The following IKZF1 variants were observed in gnomAD, a reference collection of about 807,000 sequenced individuals.
IKZF1 encodes DNA-binding protein Ikaros.
In IKZF1, 10 loss-of-function variants were observed where a neutral mutation model predicts 51.7. That is an observed-to-expected ratio of 0.19 (90% confidence interval 0.12 to 0.33). IKZF1 has a LOEUF of 0.33. Ranked by LOEUF, IKZF1 falls within the 10% of genes least tolerant of loss-of-function variation. The probability of loss-of-function intolerance (pLI) is 1.00; values close to 1 mark genes in which losing one functional copy is unlikely to be tolerated. For missense variants in IKZF1, 484 were observed against 707.5 expected (o/e 0.68, Z 3.58); for synonymous variants, 280 against 282.3 (o/e 0.99, Z 0.08).
rs1810466334 is a variant in IKZF1, at chr7:50,377,000, A to G, written c.421+207A>G. ...GTAAAGGACTTCTCAACACGTACCA[A>G]TTCCACCCTATAAATAAAACAAGGG... On this transcript the variant is annotated intron_variant, in intron 4 of 7. Coordinates refer to ENST00000331340, the MANE Select transcript of IKZF1 (RefSeq NM_006060.6). This position sits in a 1 kb window ranked among gnomAD's most constrained non-coding sequence, Gnocchi z 4.5. The G allele has an allele frequency of 1.3e-6, 1 of 757,952 alleles. No homozygotes were observed. Among genetic ancestry groups the G allele is most frequent in the Non-Finnish European group, 2.1e-6 (1 of 486,884 alleles). The allele number at this position is 757,952 out of a possible 1,614,324, so 47.0% of individuals were successfully genotyped here.
chr7:50,348,028 G>A (rs1018377229), intron 3 of IKZF1, among the ~76,000 whole-genome samples: 1 of 152,164 alleles, frequency 6.6e-6, no homozygotes, highest in Non-Finnish European at 1.5e-5. Context: ...CCATGCAGGG[G>A]ACCAAGGGAC....
At chr7:50,370,166 T>G (rs2153458747) in intron 3 of IKZF1, among the ~76,000 whole-genome samples, 1 of 152,330 alleles carries the variant, frequency 6.6e-6, no homozygotes, top group African/African-American at 2.4e-5. Context: ...ATTTCAAGCT[T>G]ACATGGCCTA....
chr7:50,305,709 G>A (rs1315876419), intron 1 of IKZF1, among the ~76,000 whole-genome samples: 1 of 152,118 alleles, frequency 6.6e-6, no homozygotes, highest in Non-Finnish European at 1.5e-5. Context: ...CTGCGCCGCA[G>A]GCAGTATATT....
intron 4 of IKZF1, among the ~76,000 whole-genome samples, chr7:50,379,785 C>G (rs1486428587): frequency 2.0e-5 from 3 of 152,168 alleles, no homozygotes. Flanking sequence ...AGTTCAAACA[C>G]ATTTTTTCAC....
intron 5 of IKZF1, among the ~76,000 whole-genome samples, 182 bp downstream of exon 5, chr7:50,382,889 C>G (rs905300295): frequency 5.3e-5 from 8 of 152,250 alleles, no homozygotes; most frequent in African/African-American, 1.9e-4. Flanking sequence ...CCATATTCTC[C>G]TTTTCCCACT....
intron 6 of IKZF1, among the ~76,000 whole-genome samples, chr7:50,391,001 G>A (rs1013410378): frequency 1.3e-5 from 2 of 152,148 alleles, no homozygotes; most frequent in Admixed American, 1.3e-4. Context: ...AAATGAAAGA[G>A]TTATATTTTT....
intron 5 of IKZF1, among the ~76,000 whole-genome samples, chr7:50,386,669 C>T (rs541579141): frequency 6.6e-6 from 1 of 151,586 alleles, no homozygotes; most frequent in South Asian, 2.1e-4. Context: ...AATAGAAATA[C>T]ATATACATAG....
At chr7:50,375,704 C>A (rs1406552966) in intron 3 of IKZF1, among the ~76,000 whole-genome samples, 1 of 30,386 alleles carries the variant, frequency 3.3e-5, no homozygotes, top group Admixed American at 2.9e-4. Flanking sequence ...GTTCACCTCC[C>A]ACCCCCCCCC....
At chr7:50,336,242 C>T in intron 3 of IKZF1, among the ~76,000 whole-genome samples, 1 of 152,194 alleles carries the variant, frequency 6.6e-6, no homozygotes, top group African/African-American at 2.4e-5. Context: ...AGGAGCCCTG[C>T]CTGGCCCCGG....
intron 5 of IKZF1, 62 bp downstream of exon 5, chr7:50,382,769 G>T (rs373090787): frequency 6.5e-7 from 1 of 1,527,722 alleles, no homozygotes; most frequent in Non-Finnish European, 8.8e-7. Flanking sequence ...CACTCTGCCC[G>T]CCTGGGTCCC....
intron 3 of IKZF1, among the ~76,000 whole-genome samples, chr7:50,334,291 A>G (rs1196838208): frequency 5.3e-5 from 8 of 152,286 alleles, no homozygotes; most frequent in African/African-American, 1.9e-4. Context: ...CTTTCCTTGG[A>G]AAACTGAAAT....
At chr7:50,367,169 G>T (rs1219905824) in intron 3 of IKZF1, among the ~76,000 whole-genome samples, 1 of 152,198 alleles carries the variant, frequency 6.6e-6, no homozygotes, top group Non-Finnish European at 1.5e-5. Context: ...TTTAAGCAAA[G>T]TTCAGTAGGT....
At chr7:50,387,708 C>A (rs1033404343) in intron 6 of IKZF1, among the ~76,000 whole-genome samples, 1 of 152,100 alleles carries the variant, frequency 6.6e-6, no homozygotes. Flanking sequence ...TTCCCACTTC[C>A]AATCGGGAGA....
At chr7:50,388,162 A>G (rs961954204) in intron 6 of IKZF1, among the ~76,000 whole-genome samples, 22 of 152,228 alleles carry the variant, frequency 1.4e-4, no homozygotes, top group African/African-American at 5.3e-4. Flanking sequence ...GGGAATGGCA[A>G]TGTTATAAAA....
intron 3 of IKZF1, among the ~76,000 whole-genome samples, chr7:50,350,760 C>A (rs1801663267): frequency 6.6e-6 from 1 of 152,140 alleles, no homozygotes; most frequent in South Asian, 2.1e-4. Flanking sequence ...AAATGTAGAT[C>A]TTTGGTATGA....
chr7:50,375,709 C>T (rs866904730), intron 3 of IKZF1, among the ~76,000 whole-genome samples: 5 of 103,154 alleles, frequency 4.8e-5, no homozygotes, highest in East Asian at 3.7e-4. Context: ...CCTCCCACCC[C>T]CCCCCCCCAC....
At chr7:50,372,312 G>A (rs143198353) in intron 3 of IKZF1, among the ~76,000 whole-genome samples, 75 of 152,254 alleles carry the variant, frequency 4.9e-4, no homozygotes, top group African/African-American at 1.4e-3. Flanking sequence ...TGAATCTTAC[G>A]CGCCCCGTGG....
At chr7:50,369,701 C>A in intron 3 of IKZF1, 1 of 396,928 alleles carries the variant, frequency 2.5e-6, no homozygotes, top group Non-Finnish European at 4.4e-6. Flanking sequence ...CCCCTTTCAC[C>A]CCCTCTACTG....
At chr7:50,330,746 A>G (rs964062619) in intron 3 of IKZF1, among the ~76,000 whole-genome samples, 1 of 152,252 alleles carries the variant, frequency 6.6e-6, no homozygotes, top group African/African-American at 2.4e-5. Context: ...TAACCTGGGT[A>G]CCATATTTCA....
Sources: allele counts gnomAD v4.1 joint callset (sites outside exome capture counted in the v4.1 genomes callset), GRCh38; gene constraint gnomAD v4.1.1; non-coding constraint Gnocchi (gnomAD v3.1); transcripts MANE v1.5; gene names NCBI Gene and HGNC (gene_info 2026-07-23, HGNC 2026-07-21).